Variants in CTNNA3 observed in about 807,000 individuals in gnomAD.
CTNNA3 encodes the protein catenin alpha-3.
Under a neutral mutation model 95.7 loss-of-function variants are expected in CTNNA3, and 76 were observed. The ratio of observed to expected loss-of-function variants is 0.79; its 90% CI spans 0.66 to 0.96. The LOEUF (loss-of-function observed/expected upper bound fraction) is 0.96. Ranked by LOEUF, CTNNA3 falls within the 40% of genes least tolerant of loss-of-function variation. CTNNA3 has a pLI of 0.00. For synonymous variants in CTNNA3, 431 were observed against 374.4 expected, an observed-to-expected ratio of 1.15 and a Z score of -1.74; for missense variants, 1,191 against 1,089.8, an observed-to-expected ratio of 1.09 and a Z score of -1.31.
rs140264502 is a variant in CTNNA3 at position 66,240,339 on chromosome 10, C to T, written c.1884+40131G>A. On this transcript the variant is annotated intron_variant, in intron 13 of 17. Transcript: ENST00000433211. ...ATGTAAACGGCTCATTTGAAATTAT[C>T]ACACTTTTTTTCTGTTTATAAAACA... Among the ~76,000 whole-genome samples, 1,258 of 152,152 alleles carry T rather than the reference C, an allele frequency of 8.3e-3. 13 individuals are homozygous for T. Among genetic ancestry groups the T allele is most frequent in the Middle Eastern group, 0.014 (4 of 294 alleles).
intron 7 of CTNNA3, among the ~76,000 whole-genome samples, chr10:66,978,540 A>ATAAAAT (rs1362837260): frequency 1.6e-4 from 13 of 82,898 alleles, no homozygotes; most frequent in South Asian, 4.8e-4. Flanking sequence ...AAAAAAAAAA[A>ATAAAAT]AAAAAAAAAA....
chr10:67,296,934 C>CAA (rs1210482029), intron 5 of CTNNA3, among the ~76,000 whole-genome samples: 1,010 of 17,634 alleles, frequency 0.057, 170 homozygotes, highest in African/African-American at 0.086. Context: ...AACGCTGTCT[C>CAA]AAAAAAAAAA....
At chr10:66,759,042 T>G (rs572110723) in intron 9 of CTNNA3, among the ~76,000 whole-genome samples, 2 of 152,288 alleles carry the variant, frequency 1.3e-5, no homozygotes, top group South Asian at 4.1e-4. Flanking sequence ...TGAAAAACAA[T>G]TCTATCTGAA....
At chr10:67,318,671 A>C (rs1226455210) in intron 5 of CTNNA3, among the ~76,000 whole-genome samples, 2 of 152,176 alleles carry the variant, frequency 1.3e-5, no homozygotes, top group African/African-American at 4.8e-5. Context: ...GGGTAATTGC[A>C]TTGACTGTTC....
chr10:66,324,024 A>G (rs1365102486), intron 12 of CTNNA3, among the ~76,000 whole-genome samples: 1 of 151,862 alleles, frequency 6.6e-6, no homozygotes, highest in Non-Finnish European at 1.5e-5. Flanking sequence ...CATTCCACTG[A>G]GGGCCACCTC....
intron 5 of CTNNA3, among the ~76,000 whole-genome samples, chr10:67,269,776 G>A (rs533056185): frequency 6.6e-6 from 1 of 152,222 alleles, no homozygotes; most frequent in East Asian, 1.9e-4. Flanking sequence ...AATGTTGACA[G>A]GAAGACTCAT....
chr10:66,869,634 T>A (rs2091067), intron 7 of CTNNA3, among the ~76,000 whole-genome samples: 1,518 of 151,768 alleles, frequency 0.01, 26 homozygotes, highest in African/African-American at 0.035. Context: ...GTGCAGGAGG[T>A]AAGTAGTAGA....
chr10:66,420,688 A>G (rs80304520), intron 11 of CTNNA3, among the ~76,000 whole-genome samples: 2 of 152,032 alleles, frequency 1.3e-5, no homozygotes, highest in African/African-American at 4.8e-5. Flanking sequence ...AGTACCAGCT[A>G]CTTGGGAGGC....
chr10:65,956,668 G>A (rs2077738057), intron 17 of CTNNA3, among the ~76,000 whole-genome samples: 1 of 152,172 alleles, frequency 6.6e-6, no homozygotes, highest in Non-Finnish European at 1.5e-5. Context: ...CCAGGAGCAG[G>A]TTGCTCAGTA....
chr10:67,732,719 T>C (rs1841282473), intron 1 of CTNNA3, among the ~76,000 whole-genome samples: 1 of 152,192 alleles, frequency 6.6e-6, no homozygotes, highest in Non-Finnish European at 1.5e-5. Flanking sequence ...GTCTTCTAAC[T>C]TATTATTTCT....
chr10:66,776,907 T>C (rs1589243018), intron 7 of CTNNA3, among the ~76,000 whole-genome samples: 1 of 152,170 alleles, frequency 6.6e-6, no homozygotes, highest in Non-Finnish European at 1.5e-5. Flanking sequence ...GATAGTAACT[T>C]ACATAGGACT....
At position 67,612,496 on chromosome 10, in the gene CTNNA3, T is replaced by A. The variant is rs537444050; in HGVS notation, c.100-5447A>T. On this transcript the variant is annotated intron_variant, in intron 2 of 17. Coordinates refer to ENST00000433211, the MANE Select transcript of CTNNA3 (RefSeq NM_013266.4). Reference sequence around the variant, plus strand: ...TGTGCAAAGGGGCAGAGAAAAAAATTTATTTTGTCTGAAAATAGCAGATAG... The same window carrying A: ...TGTGCAAAGGGGCAGAGAAAAAAATATATTTTGTCTGAAAATAGCAGATAG... 2.6e-5 allele frequency among the ~76,000 whole-genome samples: 4 copies of A among 152,248 alleles called. No homozygotes were observed. The East Asian group carries it at 7.7e-4, about 29-fold the overall frequency.
rs759869710 is a variant in CTNNA3, at chr10:67,180,403, T to C, written c.961A>G (p.Arg321Gly). Residue 321 changes from arginine (R) to glycine (G), a missense_variant, in exon 7 of 18, where the codon AGG (arginine) becomes GGG (glycine). Arg to Gly is a moderately radical substitution (Grantham distance 125). Coordinates refer to ENST00000433211, the MANE Select transcript of CTNNA3 (RefSeq NM_013266.4). The part of the protein sequence containing the change: ...AALLADSSCT[R>G]DLHRERIIAE... ...ATAATCCGCTCTCGGTGTAAGTCCC[T>C]CGTACATGAAGAATCCGCCAGCAGA... 6.2e-7 allele frequency: 1 copy of C among 1,613,790 alleles called. No homozygotes were observed. Among genetic ancestry groups the C allele is most frequent in the Non-Finnish European group, 8.5e-7 (1 of 1,179,854 alleles).
chr10:67,071,376 A>G (rs1856447985), intron 7 of CTNNA3, among the ~76,000 whole-genome samples: 1 of 148,066 alleles, frequency 6.8e-6, no homozygotes, highest in African/African-American at 2.5e-5. Flanking sequence ...GATATTTTCA[A>G]TAGATATATT....
At chr10:66,201,919 G>A (rs1473349769) in intron 13 of CTNNA3, among the ~76,000 whole-genome samples, 1 of 150,796 alleles carries the variant, frequency 6.6e-6, no homozygotes, top group Non-Finnish European at 1.5e-5. Flanking sequence ...CTCCTGAGTA[G>A]CTGGGATTAC....
At chr10:66,080,930 ATAT>A (rs1564624082) in intron 14 of CTNNA3, among the ~76,000 whole-genome samples, 1 of 152,132 alleles carries the variant, frequency 6.6e-6, no homozygotes, top group Non-Finnish European at 1.5e-5. Context: ...CTTAAGAAAG[ATAT>A]TATATTTTGT....
intron 5 of CTNNA3, among the ~76,000 whole-genome samples, chr10:67,243,398 A>G (rs1483323737): frequency 6.6e-6 from 1 of 152,198 alleles, no homozygotes; most frequent in Admixed American, 6.5e-5. Context: ...AAAATTAAGG[A>G]AGTGCACGTG....
At chr10:67,440,985 A>G (rs574495540) in intron 5 of CTNNA3, among the ~76,000 whole-genome samples, 8 of 152,312 alleles carry the variant, frequency 5.3e-5, no homozygotes, top group African/African-American at 1.4e-4. Context: ...CTGGCGACAC[A>G]GAGATAGGTG....
At chr10:67,726,611 A>ACT (rs1841228023) in intron 1 of CTNNA3, among the ~76,000 whole-genome samples, 15 of 17,744 alleles carry the variant, frequency 8.5e-4, no homozygotes, top group African/African-American at 2.4e-3. Context: ...CATATTATAT[A>ACT]ATATATAATA....
Sources: allele counts gnomAD v4.1 joint callset (sites outside exome capture counted in the v4.1 genomes callset), GRCh38; gene constraint gnomAD v4.1.1; transcripts MANE v1.5; gene names NCBI Gene and HGNC (gene_info 2026-07-23, HGNC 2026-07-21).